The following RALGPS1 variants were observed in gnomAD, a reference collection of about 807,000 sequenced individuals.
RALGPS1 encodes Ral GEF with PH domain and SH3 binding motif 1.
Under a neutral mutation model 78.8 loss-of-function variants are expected in RALGPS1, and 19 were observed. The observed-to-expected ratio is 0.24, with a 90% CI of 0.17 to 0.35. RALGPS1 has a LOEUF of 0.35. Ranked by LOEUF, RALGPS1 falls within the 10% of genes least tolerant of loss-of-function variation. RALGPS1 has a pLI of 1.00. For missense variants in RALGPS1, 454 were observed against 688.3 expected, an observed-to-expected ratio of 0.66 and a Z score of 3.81; for synonymous variants, 228 against 256.3, an observed-to-expected ratio of 0.89 and a Z score of 1.06.
chr9:126,977,879 C>A, intron 4 of RALGPS1, 134 bp downstream of exon 4: 1 of 606,096 alleles, frequency 1.6e-6, no homozygotes, highest in Non-Finnish European at 2.9e-6. Flanking sequence ...AAACCCCATT[C>A]TATTCTTGAT....
At chr9:126,985,292 A>G (rs898141780) in intron 4 of RALGPS1, among the ~76,000 whole-genome samples, 4 of 152,196 alleles carry the variant, frequency 2.6e-5, no homozygotes, top group African/African-American at 9.7e-5. Flanking sequence ...CGAAGTCTAG[A>G]TTCCACACTG....
intron 8 of RALGPS1, among the ~76,000 whole-genome samples, chr9:127,145,240 C>G (rs1037120769): frequency 1.3e-5 from 2 of 152,106 alleles, no homozygotes; most frequent in Admixed American, 1.3e-4. Flanking sequence ...AGCACTTCGT[C>G]GGTATTATCT....
chr9:127,027,378 A>G (rs1359520648), intron 4 of RALGPS1, among the ~76,000 whole-genome samples: 10 of 152,220 alleles, frequency 6.6e-5, no homozygotes, highest in Non-Finnish European at 1.5e-4. Flanking sequence ...GACACAGATG[A>G]TGGAATCAGC....
At chr9:126,922,550 T>C (rs1344511917) in intron 1 of RALGPS1, among the ~76,000 whole-genome samples, 1 of 152,220 alleles carries the variant, frequency 6.6e-6, no homozygotes, top group Non-Finnish European at 1.5e-5. Flanking sequence ...TAAAGTTCGT[T>C]ATGTGGAATT....
At chr9:127,108,215 C>T (rs1416114506) in intron 8 of RALGPS1, 1 of 1,613,948 alleles carries the variant, frequency 6.2e-7, no homozygotes, top group Non-Finnish European at 8.5e-7. Flanking sequence ...TACTTGCTGG[C>T]CAGCTGCAGC....
chr9:126,959,593 C>CTTTTT (rs11296664), intron 1 of RALGPS1, among the ~76,000 whole-genome samples: 5 of 144,170 alleles, frequency 3.5e-5, no homozygotes, highest in Non-Finnish European at 3.0e-5. Context: ...CTGACCAGTT[C>CTTTTT]TTTTTTTTTT....
chr9:126,985,623 A>G (rs985372642), intron 4 of RALGPS1, among the ~76,000 whole-genome samples: 19 of 152,336 alleles, frequency 1.2e-4, no homozygotes, highest in African/African-American at 4.6e-4. Flanking sequence ...GAATATTACT[A>G]CTAAGCAGTA....
At chr9:127,101,205 C>G (rs2053689018) in intron 8 of RALGPS1, among the ~76,000 whole-genome samples, 1 of 152,224 alleles carries the variant, frequency 6.6e-6, no homozygotes. Flanking sequence ...TATCTAGAGC[C>G]TTTCACCTGC....
At chr9:126,998,774 T>C (rs1481102882) in intron 4 of RALGPS1, among the ~76,000 whole-genome samples, 1 of 151,732 alleles carries the variant, frequency 6.6e-6, no homozygotes, top group Non-Finnish European at 1.5e-5. Context: ...AACCTAAATG[T>C]CCAACAACGA....
At chr9:127,192,322 C>T (rs1379588986) in intron 11 of RALGPS1, among the ~76,000 whole-genome samples, 1 of 152,238 alleles carries the variant, frequency 6.6e-6, no homozygotes, top group Non-Finnish European at 1.5e-5. Context: ...CGAGGGTGGG[C>T]TCCCATTCCA....
intron 1 of RALGPS1, among the ~76,000 whole-genome samples, chr9:126,961,413 G>A (rs957064565): frequency 2.4e-4 from 37 of 152,156 alleles, no homozygotes; most frequent in African/African-American, 8.7e-4. Context: ...GTACTATATG[G>A]GGTTAGCTAT....
chr9:126,972,944 C>G (rs936452639), intron 3 of RALGPS1, among the ~76,000 whole-genome samples: 1 of 152,010 alleles, frequency 6.6e-6, no homozygotes, highest in Non-Finnish European at 1.5e-5. Context: ...CACGTGTAGT[C>G]CCAGCTACTC....
At chr9:126,990,038 C>T (rs2133172318) in intron 4 of RALGPS1, 1 of 1,546,938 alleles carries the variant, frequency 6.5e-7, no homozygotes, top group Non-Finnish European at 8.7e-7. Flanking sequence ...CGTTTGCCTG[C>T]TCTGAAGAAG....
chr9:126,917,724 AAC>A (rs2034318379), intron 1 of RALGPS1, among the ~76,000 whole-genome samples: 1 of 152,224 alleles, frequency 6.6e-6, no homozygotes, highest in African/African-American at 2.4e-5. Context: ...CCCATCTTTC[AAC>A]ACAAGCTACT....
At chr9:126,992,556 C>T (rs2042375025) in intron 4 of RALGPS1, among the ~76,000 whole-genome samples, 1 of 152,192 alleles carries the variant, frequency 6.6e-6, no homozygotes, top group African/African-American at 2.4e-5. Context: ...CCAAAGAAGT[C>T]TGCTGGGATT....
rs957711765 is a variant in RALGPS1, at chr9:127,173,332, C to T, written c.843-1383C>T. The stretch of plus-strand genomic sequence containing the variant: ...AGCTGGTGCCATTCAGCAGAGGGAG[C>T]GATAAGGACCCCCACTCAGACCCAG... On this transcript the variant is annotated intron_variant, in intron 10 of 18. Transcript: ENST00000259351. Among the ~76,000 whole-genome samples, 9 of 152,218 alleles carry T rather than the reference C, an allele frequency of 5.9e-5. No individual in the cohort carries two copies. The South Asian group carries it at 1.2e-3, about 21-fold the overall frequency.
chr9:127,093,817 C>G (rs766348047), intron 8 of RALGPS1: 1 of 1,614,128 alleles, frequency 6.2e-7, no homozygotes, highest in Non-Finnish European at 8.5e-7. Context: ...GGTCGTGTCT[C>G]TGGTCGCACC....
chr9:127,094,358 G>C (rs2052859086), intron 8 of RALGPS1, among the ~76,000 whole-genome samples: 1 of 152,142 alleles, frequency 6.6e-6, no homozygotes, highest in Non-Finnish European at 1.5e-5. Flanking sequence ...GGCAACATCA[G>C]TCAGTGCCTG....
intron 7 of RALGPS1, among the ~76,000 whole-genome samples, chr9:127,058,851 G>A (rs550094394): frequency 6.6e-6 from 1 of 152,296 alleles, no homozygotes; most frequent in South Asian, 2.1e-4. Flanking sequence ...TGTTCCCAGA[G>A]TGATTTGCTC....
Sources: gnomAD v4.1 joint callset for allele counts (sites outside exome capture counted in the v4.1 genomes callset) on GRCh38, gnomAD v4.1.1 for gene constraint, MANE v1.5 for transcripts, NCBI Gene and HGNC (gene_info 2026-07-23, HGNC 2026-07-21) for gene names.